The following PREP variants were observed in gnomAD, a reference collection of about 807,000 sequenced individuals.
PREP encodes dJ355L5.1 (prolyl endopeptidase).
A neutral mutation model predicts 87.6 loss-of-function variants in PREP; 29 were observed. The observed-to-expected ratio is 0.33, with a 90% CI of 0.25 to 0.45. The LOEUF (loss-of-function observed/expected upper bound fraction) is 0.45, where lower values mean the gene tolerates loss of function less well. Among genes scored for constraint, PREP ranks in the 20% least tolerant of loss-of-function variants. The pLI is 1.00. For synonymous variants in PREP, 337 were observed against 328.6 expected (o/e 1.03, Z -0.28); for missense variants, 695 against 886.5 (o/e 0.78, Z 2.74).
In PREP at chr6:105,281,765, G is replaced by GTTGT; in HGVS notation, c.1815_1818dup (p.His607ThrfsTer4). 2.5e-6 allele frequency: 4 copies of GTTGT among 1,613,644 alleles called. No homozygotes were observed. The highest frequency in any genetic ancestry group is 3.4e-6 in the Non-Finnish European group (4 of 1,179,930). ...CCTTACTTGACAAGCCATTCAAAGT[G>GTTGT]TTGTTTGCTGTCCGAGCACCCATAA... On this transcript the variant is annotated frameshift_variant, in exon 14 of 15. Transcript: ENST00000652536. LOFTEE classifies it high-confidence loss of function.
intron 10 of PREP, chr6:105,322,833 T>C (rs1771047623): frequency 2.6e-6 from 3 of 1,147,886 alleles, no homozygotes; most frequent in East Asian, 1.2e-4. Flanking sequence ...AGACCATTTC[T>C]AGACAATTGA....
rs995841395 is a variant in PREP at position 105,322,673 on chromosome 6, G to A, written c.1317+992C>T. On this transcript the variant is annotated intron_variant, in intron 10 of 14. Coordinates refer to ENST00000652536, the MANE Select transcript of PREP (RefSeq NM_002726.5). ...ACCACAGGCAATATGTAAACAAATG[G>A]GCATGTGTTCTCCAATAAAACAGGA... 5.0e-6 allele frequency: 5 copies of A among 995,064 alleles called. No homozygotes were observed. In the Admixed American group the frequency reaches 1.7e-4, roughly 34 times the overall value. The allele number at this position is 995,064 out of a possible 1,614,324, so 61.6% of individuals were successfully genotyped here. A position where few individuals can be genotyped will look rare whatever the true frequency, so the allele number is the denominator to read the frequency against.
intron 10 of PREP, among the ~76,000 whole-genome samples, chr6:105,312,377 C>T (rs185422831): frequency 1.3e-5 from 2 of 152,294 alleles, no homozygotes; most frequent in African/African-American, 4.8e-5. Flanking sequence ...TTAAAATGGG[C>T]TGCATTTGTC....
chr6:105,277,346 G>C lies in PREP; in HGVS notation c.*798C>G, dbSNP rs1267601746. ...GGAACCAAGGATCCTTGGATCCAAGGAACTCTGATTTCTAGGAATACTTTG... is the reference window on the plus strand; with the variant it reads ...GGAACCAAGGATCCTTGGATCCAAGCAACTCTGATTTCTAGGAATACTTTG... On this transcript the variant is annotated 3_prime_UTR_variant, in exon 15 of 15. Coordinates refer to ENST00000652536, the MANE Select transcript of PREP (RefSeq NM_002726.5). Among the ~76,000 whole-genome samples the C allele has an allele frequency of 6.6e-6, 1 of 152,038 alleles. No individual in the cohort carries two copies. The highest frequency in any genetic ancestry group is 1.5e-5 in the Non-Finnish European group (1 of 67,992).
chr6:105,325,166 C>A (rs1021303386), intron 9 of PREP, among the ~76,000 whole-genome samples: 3 of 151,816 alleles, frequency 2.0e-5, no homozygotes, highest in Admixed American at 2.0e-4. Flanking sequence ...GTACCCGGTG[C>A]CCCCCACAAA....
At chr6:105,345,064 G>A (rs1477802564) in intron 7 of PREP, among the ~76,000 whole-genome samples, 1 of 152,220 alleles carries the variant, frequency 6.6e-6, no homozygotes, top group Non-Finnish European at 1.5e-5. Flanking sequence ...TTAAATGAGA[G>A]CTCTTGAAAT....
intron 11 of PREP, 92 bp from the exon 12 acceptor site, chr6:105,285,672 A>C: frequency 1.0e-6 from 1 of 959,872 alleles, no homozygotes; most frequent in Non-Finnish European, 1.7e-6. Context: ...ATGCCCAACA[A>C]CACTCTGAGT....
intron 11 of PREP, among the ~76,000 whole-genome samples, chr6:105,287,923 C>T (rs529383784): frequency 1.2e-4 from 18 of 152,312 alleles, no homozygotes; most frequent in African/African-American, 4.3e-4. Context: ...GTAGAATTTT[C>T]TCCCTGAACG....
chr6:105,357,483 A>G (rs562482037), intron 6 of PREP, among the ~76,000 whole-genome samples: 6 of 152,344 alleles, frequency 3.9e-5, no homozygotes, highest in African/African-American at 1.2e-4. Flanking sequence ...ACGCCAATTA[A>G]GTCAGTCCTC....
At chr6:105,329,209 G>A (rs1244882970) in intron 8 of PREP, among the ~76,000 whole-genome samples, 183 bp from the exon 9 acceptor site, 3 of 150,942 alleles carry the variant, frequency 2.0e-5, no homozygotes, top group African/African-American at 7.3e-5. Flanking sequence ...CTTGAGTACA[G>A]TAGTGCAATC....
chr6:105,274,093 C>T lies in PREP; in HGVS notation c.*4051G>A, dbSNP rs1032422993. 1.3e-5 allele frequency among the ~76,000 whole-genome samples: 2 copies of T among 152,072 alleles called. No individual in the cohort carries two copies. Among genetic ancestry groups the T allele is most frequent in the Admixed American group, 6.5e-5 (1 of 15,274 alleles). ...TTGTTTATTATCTTGTTAATAGACTCGTGGGTATCTTAGTCTGTTTAAGCT... is the reference window on the plus strand; with the variant it reads ...TTGTTTATTATCTTGTTAATAGACTTGTGGGTATCTTAGTCTGTTTAAGCT... On this transcript the variant is annotated 3_prime_UTR_variant, in exon 15 of 15. Coordinates refer to ENST00000652536, the MANE Select transcript of PREP (RefSeq NM_002726.5).
chr6:105,328,287 C>T (rs528653975), intron 9 of PREP, among the ~76,000 whole-genome samples: 56 of 150,448 alleles, frequency 3.7e-4, no homozygotes, highest in Non-Finnish European at 4.7e-4. Context: ...GAGATGGAGT[C>T]TCACTCTGTT....
chr6:105,372,353 C>T (rs1772582044), intron 5 of PREP, among the ~76,000 whole-genome samples: 1 of 152,134 alleles, frequency 6.6e-6, no homozygotes, highest in African/African-American at 2.4e-5. Flanking sequence ...AATTACTGAG[C>T]CTCTGTGCCC....
chr6:105,317,890 G>T (rs1770915819), intron 10 of PREP, among the ~76,000 whole-genome samples: 1 of 152,212 alleles, frequency 6.6e-6, no homozygotes, highest in South Asian at 2.1e-4. Context: ...CTCCAAGGGA[G>T]GAGTGCCTCC....
intron 8 of PREP, among the ~76,000 whole-genome samples, chr6:105,331,773 G>A (rs147107891): frequency 2.0e-5 from 3 of 152,268 alleles, no homozygotes; most frequent in Non-Finnish European, 2.9e-5. Flanking sequence ...TGGGTCCCTC[G>A]TCCAAATATA....
chr6:105,320,763 G>A (rs111949365), intron 10 of PREP, among the ~76,000 whole-genome samples: 2 of 152,110 alleles, frequency 1.3e-5, no homozygotes, highest in South Asian at 4.2e-4. Flanking sequence ...AGGGTCAAGT[G>A]GAATCAAAAG....
At position 105,274,384 on chromosome 6, in the gene PREP, C is replaced by T. The variant is rs12194213; in HGVS notation, c.*3760G>A. Among the ~76,000 whole-genome samples the T allele has an allele frequency of 0.014, 2,135 of 152,264 alleles. 15 individuals are homozygous for T. The highest frequency in any genetic ancestry group is 0.02 in the Non-Finnish European group (1,342 of 68,020). ...CTCATGACCCATCGCCTCCTGAAGG[C>T]CCTGCCTCCTAATTCCATCACTTTG... On this transcript the variant is annotated 3_prime_UTR_variant, in exon 15 of 15. Coordinates refer to ENST00000652536, the MANE Select transcript of PREP (RefSeq NM_002726.5).
At chr6:105,334,487 G>A (rs576739088) in intron 7 of PREP, among the ~76,000 whole-genome samples, 3 of 152,130 alleles carry the variant, frequency 2.0e-5, no homozygotes, top group Non-Finnish European at 4.4e-5. Flanking sequence ...GGGATGCCAG[G>A]GAAGGCAGAT....
chr6:105,305,624 G>T (rs1770639026), intron 10 of PREP, among the ~76,000 whole-genome samples: 1 of 152,052 alleles, frequency 6.6e-6, no homozygotes, highest in South Asian at 2.1e-4. Flanking sequence ...AATTCTTTTT[G>T]ATTTATATTC....
Sources: allele counts gnomAD v4.1 joint callset (sites outside exome capture counted in the v4.1 genomes callset), GRCh38; gene constraint gnomAD v4.1.1; transcripts MANE v1.5; gene names NCBI Gene and HGNC (gene_info 2026-07-23, HGNC 2026-07-21).